PRAME: variants seen among roughly 807,000 people sequenced by gnomAD.
The protein encoded by PRAME is melanoma antigen preferentially expressed in tumors.
PRAME carries 21 observed loss-of-function variants against 32.1 expected under a neutral mutation model. That is an observed-to-expected ratio of 0.65 (90% CI 0.46 to 0.94). PRAME has a LOEUF of 0.94. PRAME is among the 40% of genes least tolerant of loss of function. The probability of loss-of-function intolerance (pLI) is 0.00; values close to 1 mark genes in which losing one functional copy is unlikely to be tolerated. For missense variants in PRAME, 651 were observed against 622.3 expected (o/e 1.05, Z -0.49); for synonymous variants, 274 against 251.5 (o/e 1.09, Z -0.85).
At chr22:22,552,133 A>G (rs1435486284) in intron 3 of PRAME, among the ~76,000 whole-genome samples, 2 of 151,100 alleles carry the variant, frequency 1.3e-5, no homozygotes, top group East Asian at 3.9e-4. Context: ...AAAAAAAAAA[A>G]AGAAAAAAAA....
intron 1 of PRAME, among the ~76,000 whole-genome samples, 169 bp downstream of exon 1, chr22:22,558,802 C>T (rs906860986): frequency 4.0e-5 from 6 of 151,356 alleles, no homozygotes; most frequent in Admixed American, 6.6e-5. Context: ...CAGTGGGATG[C>T]GGGGTGCAGG....
At chr22:22,555,314 G>A (rs2062841491) in intron 3 of PRAME, among the ~76,000 whole-genome samples, 1 of 151,784 alleles carries the variant, frequency 6.6e-6, no homozygotes, top group South Asian at 2.1e-4. Context: ...TTGGCTCACT[G>A]CAACCTCTGC....
At chr22:22,555,611 C>A (rs1275814466) in intron 3 of PRAME, among the ~76,000 whole-genome samples, 1 of 151,836 alleles carries the variant, frequency 6.6e-6, no homozygotes, top group African/African-American at 2.4e-5. Context: ...TCAAGTGATC[C>A]ACCCATTTCA....
In PRAME at chr22:22,554,896, C is replaced by T. The variant is rs111815811; in HGVS notation, c.21+1916G>A. ...AGATCCAAGGGAGGAGGAGGAACCGCGATCAAGTGTGAGTTGTGTAATCTC... is the reference window on the plus strand; with the variant it reads ...AGATCCAAGGGAGGAGGAGGAACCGTGATCAAGTGTGAGTTGTGTAATCTC... On this transcript the variant is annotated intron_variant, in intron 3 of 5. Transcript: ENST00000405655. Among the ~76,000 whole-genome samples, 696 of 152,000 alleles carry T rather than the reference C, an allele frequency of 4.6e-3. 6 individuals are homozygous for T. The highest frequency in any genetic ancestry group is 0.016 in the African/African-American group (650 of 41,476).
chr22:22,550,924 C>G lies in PRAME; in HGVS notation c.187G>C (p.Gly63Arg), dbSNP rs778404661. Reference protein sequence around the residue: ...FPPLFMAAFDGRHSQTLKAMV... With the variant: ...FPPLFMAAFDRRHSQTLKAMV... ...GCCTTCAGGGTCTGGCTGTGTCTCC[C>G]GTCAAAGGCTGCCATGAAGAGTGGC... Residue 63 changes from glycine to arginine, a missense_variant, in exon 4 of 6, where the codon GGG becomes CGG. By Grantham distance (125) the Gly-to-Arg change is moderately radical. Coordinates refer to ENST00000405655, the MANE Select transcript of PRAME (RefSeq NM_206956.3). 2.5e-6 allele frequency: 4 copies of G among 1,613,766 alleles called. No individual in the cohort carries two copies. The highest frequency in any genetic ancestry group is 3.4e-6 in the Non-Finnish European group (4 of 1,179,976).
intron 3 of PRAME, chr22:22,553,827 G>T (rs1023194273): frequency 1.0e-6 from 1 of 985,074 alleles, no homozygotes; most frequent in Non-Finnish European, 1.2e-6. Flanking sequence ...GTTGTCAGAA[G>T]ACCTTCTCTT....
intron 1 of PRAME, among the ~76,000 whole-genome samples, chr22:22,558,714 G>A (rs1335731139): frequency 2.0e-5 from 3 of 151,082 alleles, no homozygotes; most frequent in African/African-American, 7.3e-5. Context: ...AGTGTGGGAC[G>A]GGGTGTTCTG....
At chr22:22,557,661 G>C (rs1348703971) in intron 1 of PRAME, 81 bp from the exon 2 acceptor site, 1 of 147,088 alleles carries the variant, frequency 6.8e-6, no homozygotes, top group African/African-American at 2.5e-5. Context: ...GTGGGGACCG[G>C]GGGGCTGGGC....
chr22:22,550,727 G>A, intron 4 of PRAME, 40 bp downstream of exon 4: 3 of 1,532,676 alleles, frequency 2.0e-6, no homozygotes, highest in Non-Finnish European at 2.6e-6. Context: ...TCCTGCTCAG[G>A]TTCCCAGGGC....
Position 22,550,971 on chromosome 22 carries a change from A to G in PRAME, c.140T>C (p.Leu47Ser). 1 of 1,613,296 alleles carries G rather than the reference A, an allele frequency of 6.2e-7. No homozygotes were observed. The highest frequency in any genetic ancestry group is 8.5e-7 in the Non-Finnish European group (1 of 1,179,846). Residue 47 changes from leucine (L) to serine (S), a missense_variant, in exon 4 of 6, where the codon TTG (leucine) becomes TCG (serine). Physicochemically the swap from Leu to Ser is moderately radical, Grantham distance 145. Transcript: ENST00000405655. Reference protein sequence around the residue: ...DEALAIAALELLPRELFPPLF... With the variant: ...DEALAIAALESLPRELFPPLF... Reference sequence around the variant, plus strand: ...TGGCGGGAAGAGCTCCCTGGGCAGCAACTCCAGGGCGGCAATGGCCAGGGC... The same window carrying G: ...TGGCGGGAAGAGCTCCCTGGGCAGCGACTCCAGGGCGGCAATGGCCAGGGC...
chr22:22,558,651 G>C (rs1206721226), intron 1 of PRAME, among the ~76,000 whole-genome samples: 1 of 148,830 alleles, frequency 6.7e-6, no homozygotes, highest in Non-Finnish European at 1.5e-5. Flanking sequence ...GGTGGAAAAA[G>C]GGGGTGCGGT....
At chr22:22,552,556 A>G (rs998114317) in intron 3 of PRAME, among the ~76,000 whole-genome samples, 2 of 151,984 alleles carry the variant, frequency 1.3e-5, no homozygotes, top group African/African-American at 2.4e-5. Flanking sequence ...CTATATATGC[A>G]TAAACTGAAA....
At chr22:22,554,142 G>A in intron 3 of PRAME, 1 of 985,136 alleles carries the variant, frequency 1.0e-6, no homozygotes, top group Non-Finnish European at 1.2e-6. Flanking sequence ...TCTGCTTAGG[G>A]ATGATTCCTA....
chr22:22,556,018 A>T (rs866283383), intron 3 of PRAME: 61 of 393,954 alleles, frequency 1.5e-4, no homozygotes, highest in African/African-American at 6.2e-4. Context: ...TTGGAGGAGG[A>T]GTTTCACTCT....
chr22:22,550,252 G>C lies in PRAME; in HGVS notation c.427C>G (p.Leu143Val). The C allele has an allele frequency of 6.2e-7, 1 of 1,613,802 alleles. No homozygotes were observed. Among genetic ancestry groups the C allele is most frequent in the Non-Finnish European group, 8.5e-7 (1 of 1,179,960 alleles). ...WTVWSGNRASLYSFPEPEAAQ... is the reference protein window; with the variant it reads ...WTVWSGNRASVYSFPEPEAAQ... ...GCTTCTGGCTCTGGAAATGAGTACA[G>C]ACTGGCCCTGTTTCCAGACCATACA... Residue 143 changes from leucine (L) to valine (V), a missense_variant, in exon 5 of 6, where the codon CTG (leucine) becomes GTG (valine). Transcript: ENST00000405655.
Position 22,550,097 on chromosome 22 carries a change from G to A in PRAME, c.582C>T (p.Tyr194=), listed in dbSNP as rs776966138. Residue 194 remains tyrosine (Y), a synonymous_variant, in exon 5 of 6, where the codon TAC becomes TAT. Transcript: ENST00000405655. ...KEGACDELFS[Y]LIEKVKRKKN... ...TCTTTCGCTTCACTTTCTCAATGAG[G>A]TAGGAGAACAATTCATCACAGGCAC... 41 of 1,613,780 alleles carry A rather than the reference G, an allele frequency of 2.5e-5. No individual in the cohort carries two copies. The highest frequency in any genetic ancestry group is 3.4e-5 in the Non-Finnish European group (40 of 1,179,974).
rs368427569 is a variant in PRAME at position 22,553,113 on chromosome 22, G to A, written c.22-2024C>T. ...AACCACCCAGAGAGTATAACTGTTAGGGGAATTTTTGGCCACATCAAAATT... is the reference window on the plus strand; with the variant it reads ...AACCACCCAGAGAGTATAACTGTTAAGGGAATTTTTGGCCACATCAAAATT... On this transcript the variant is annotated intron_variant, in intron 3 of 5. Coordinates refer to ENST00000405655, the MANE Select transcript of PRAME (RefSeq NM_206956.3). Among the ~76,000 whole-genome samples, 9 of 152,002 alleles carry A rather than the reference G, an allele frequency of 5.9e-5. 1 individual carries two copies. The highest frequency in any genetic ancestry group is 2.2e-4 in the African/African-American group (9 of 41,462).
intron 2 of PRAME, 21 bp from the exon 3 acceptor site, chr22:22,556,930 GC>G: frequency 1.4e-6 from 2 of 1,465,542 alleles, no homozygotes; most frequent in Non-Finnish European, 1.9e-6. Context: ...TAATCAAAAT[GC>G]TCCAAAAAGA....
rs184492226 is a variant in PRAME, at chr22:22,555,959, G to A, written c.21+853C>T. 7 of 460,610 alleles carry A rather than the reference G, an allele frequency of 1.5e-5. No individual in the cohort carries two copies. In the East Asian group the frequency reaches 2.1e-4, roughly 14 times the overall value. The allele number at this position is 460,610 out of a possible 1,614,324, so 28.5% of individuals were successfully genotyped here. ...CCGGGGAAAGGTTCTGAATGTAATCGTGGCTTTGGCAATAAGGTCCACAAT... is the reference window on the plus strand; with the variant it reads ...CCGGGGAAAGGTTCTGAATGTAATCATGGCTTTGGCAATAAGGTCCACAAT... On this transcript the variant is annotated intron_variant, in intron 3 of 5. Coordinates refer to ENST00000405655, the MANE Select transcript of PRAME (RefSeq NM_206956.3).
Sources: allele counts gnomAD v4.1 joint callset (sites outside exome capture counted in the v4.1 genomes callset), GRCh38; gene constraint gnomAD v4.1.1; transcripts MANE v1.5; gene names NCBI Gene and HGNC (gene_info 2026-07-23, HGNC 2026-07-21).